The following EFNA5 variants were observed in gnomAD, a reference collection of about 807,000 sequenced individuals.
The protein encoded by EFNA5 is ephrin A5, also known as ephrin-A5.
Under a neutral mutation model 22.9 loss-of-function variants are expected in EFNA5, and 5 were observed. That is an observed-to-expected ratio of 0.22 (90% CI 0.11 to 0.46). The LOEUF (loss-of-function observed/expected upper bound fraction) is 0.46, where lower values mean the gene tolerates loss of function less well. Ranked by LOEUF, EFNA5 falls within the 20% of genes least tolerant of loss-of-function variation. The pLI is 0.99. For synonymous variants in EFNA5, 113 were observed against 112.2 expected (o/e 1.01, Z -0.04); for missense variants, 237 against 293.3 (o/e 0.81, Z 1.40).
intron 1 of EFNA5, among the ~76,000 whole-genome samples, chr5:107,483,467 C>T (rs1189179768): frequency 1.3e-5 from 2 of 152,210 alleles, no homozygotes; most frequent in Non-Finnish European, 2.9e-5. Context: ...TGACAAGGCA[C>T]TCTTGCCTGA....
chr5:107,578,568 T>A (rs1748974584), intron 1 of EFNA5, among the ~76,000 whole-genome samples: 1 of 151,128 alleles, frequency 6.6e-6, no homozygotes, highest in East Asian at 1.9e-4. Flanking sequence ...TTGTAATATA[T>A]GTAAAAGAAT....
intron 1 of EFNA5, among the ~76,000 whole-genome samples, chr5:107,487,860 A>G (rs192510104): frequency 6.6e-6 from 1 of 152,368 alleles, no homozygotes; most frequent in Admixed American, 6.5e-5. Context: ...TATTTGCTGA[A>G]TTTAATTTTA....
At chr5:107,500,053 T>C (rs551315357) in intron 1 of EFNA5, among the ~76,000 whole-genome samples, 5 of 152,344 alleles carry the variant, frequency 3.3e-5, no homozygotes, top group East Asian at 1.9e-4. Flanking sequence ...GATTTGGCAT[T>C]GACAGTGTTC....
At chr5:107,513,650 G>A (rs1412538631) in intron 1 of EFNA5, among the ~76,000 whole-genome samples, 2 of 152,168 alleles carry the variant, frequency 1.3e-5, no homozygotes, top group Admixed American at 1.3e-4. Context: ...GGGTGCTGTG[G>A]GGCACCAGCT....
chr5:107,383,484 T>C lies in EFNA5; in HGVS notation c.566-2108A>G, dbSNP rs891165843. 3.9e-5 allele frequency among the ~76,000 whole-genome samples: 6 copies of C among 152,310 alleles called. No homozygotes were observed. In the South Asian group the frequency reaches 1.2e-3, roughly 32 times the overall value. On this transcript the variant is annotated intron_variant, in intron 4 of 4. Coordinates refer to ENST00000333274, the MANE Select transcript of EFNA5 (RefSeq NM_001962.3). Reference sequence around the variant, plus strand: ...AATCACTTTCTTAAGAGCACCAATATGTTGTCAATCAAAACAATGGAGCAC... The same window carrying C: ...AATCACTTTCTTAAGAGCACCAATACGTTGTCAATCAAAACAATGGAGCAC...
chr5:107,423,952 CAA>C (rs1748738903), intron 2 of EFNA5, among the ~76,000 whole-genome samples: 2 of 151,938 alleles, frequency 1.3e-5, no homozygotes, highest in African/African-American at 4.8e-5. Context: ...TTATAAAACT[CAA>C]AGACATTAAG....
chr5:107,384,475 C>T (rs563318679), intron 4 of EFNA5, among the ~76,000 whole-genome samples: 25 of 152,272 alleles, frequency 1.6e-4, no homozygotes, highest in East Asian at 9.7e-4. Flanking sequence ...TAGTACACAT[C>T]GCTGAGATCA....
intron 1 of EFNA5, among the ~76,000 whole-genome samples, chr5:107,598,241 A>G (rs1026557969): frequency 9.2e-5 from 14 of 152,174 alleles, no homozygotes; most frequent in Admixed American, 3.3e-4. Context: ...CACATTTTAC[A>G]GATCAGGAAT....
rs1026901706 is a variant in EFNA5, at chr5:107,591,513, T to C, written c.125+78976A>G. On this transcript the variant is annotated intron_variant, in intron 1 of 4. Coordinates refer to ENST00000333274, the MANE Select transcript of EFNA5 (RefSeq NM_001962.3). Reference sequence around the variant, plus strand: ...CATATAGATGAAGGAATTTAACCCATGGTAGATGCTTAATAAAAATGTATT... The same window carrying C: ...CATATAGATGAAGGAATTTAACCCACGGTAGATGCTTAATAAAAATGTATT... 5.3e-5 allele frequency among the ~76,000 whole-genome samples: 8 copies of C among 152,022 alleles called. No individual in the cohort carries two copies. The South Asian group carries it at 1.0e-3, about 20-fold the overall frequency.
intron 1 of EFNA5, among the ~76,000 whole-genome samples, chr5:107,651,892 T>C (rs1580582820): frequency 1.3e-5 from 2 of 152,282 alleles, no homozygotes; most frequent in South Asian, 2.1e-4. Context: ...GGCTAAGATA[T>C]ACAACAGTGC....
chr5:107,498,684 G>A (rs898588638), intron 1 of EFNA5, among the ~76,000 whole-genome samples: 6 of 152,140 alleles, frequency 3.9e-5, no homozygotes, highest in African/African-American at 7.2e-5. Flanking sequence ...CCAAGTATGG[G>A]GCCCTTCTGA....
At chr5:107,517,743 G>A (rs1340689282) in intron 1 of EFNA5, among the ~76,000 whole-genome samples, 5 of 152,136 alleles carry the variant, frequency 3.3e-5, no homozygotes, top group African/African-American at 2.4e-5. Flanking sequence ...GAGAACAAAC[G>A]AAGCAGGCTA....
intron 1 of EFNA5, among the ~76,000 whole-genome samples, chr5:107,559,191 A>G (rs1580530141): frequency 1.3e-5 from 2 of 152,082 alleles, no homozygotes; most frequent in Non-Finnish European, 2.9e-5. Context: ...TCCCATCACC[A>G]CTGCCTCTCC....
intron 1 of EFNA5, among the ~76,000 whole-genome samples, chr5:107,622,520 G>C (rs1024021907): frequency 6.6e-6 from 1 of 152,046 alleles, no homozygotes; most frequent in Non-Finnish European, 1.5e-5. Flanking sequence ...TGCTAGAATG[G>C]CATAACTAGT....
intron 1 of EFNA5, among the ~76,000 whole-genome samples, chr5:107,618,731 T>A (rs1749974204): frequency 6.6e-6 from 1 of 152,204 alleles, no homozygotes; most frequent in Admixed American, 6.5e-5. Flanking sequence ...AGTCTCTGAC[T>A]AACATGTTAT....
At chr5:107,395,967 G>A (rs1747912385) in intron 2 of EFNA5, among the ~76,000 whole-genome samples, 1 of 152,164 alleles carries the variant, frequency 6.6e-6, no homozygotes, top group South Asian at 2.1e-4. Flanking sequence ...TACCCTATGA[G>A]GGTGGCTGTT....
At chr5:107,656,648 T>C (rs892901447) in intron 1 of EFNA5, among the ~76,000 whole-genome samples, 3 of 152,128 alleles carry the variant, frequency 2.0e-5, no homozygotes, top group Admixed American at 6.5e-5. Context: ...TTTATTGAAG[T>C]ATGATTGACT....
intron 1 of EFNA5, among the ~76,000 whole-genome samples, chr5:107,599,163 G>A (rs1328065812): frequency 1.3e-5 from 2 of 152,170 alleles, no homozygotes; most frequent in Non-Finnish European, 2.9e-5. Context: ...TGTGTACAAG[G>A]TTATTCATTA....
At chr5:107,521,985 C>T (rs1561421220) in intron 1 of EFNA5, among the ~76,000 whole-genome samples, 1 of 152,122 alleles carries the variant, frequency 6.6e-6, no homozygotes. Flanking sequence ...CACCATCTTG[C>T]TAGGCATTTT....
Sources: gnomAD v4.1 joint callset for allele counts (sites outside exome capture counted in the v4.1 genomes callset) on GRCh38, gnomAD v4.1.1 for gene constraint, MANE v1.5 for transcripts, NCBI Gene and HGNC (gene_info 2026-07-23, HGNC 2026-07-21) for gene names.